HDDC3: variants seen among roughly 807,000 people sequenced by gnomAD.
HDDC3 encodes the protein HD domain containing 3, also known as guanosine-3',5'-bis(diphosphate) 3'-pyrophosphohydrolase MESH1.
Under a neutral mutation model 19.1 loss-of-function variants are expected in HDDC3, and 18 were observed. The ratio of observed to expected loss-of-function variants is 0.94; its 90% CI spans 0.65 to 1.40. The LOEUF is 1.40. Ranked by LOEUF, HDDC3 falls within the 40% of genes most tolerant of loss-of-function variation. The pLI is 0.00. For synonymous variants in HDDC3, 107 were observed against 99.4 expected, an observed-to-expected ratio of 1.08 and a Z score of -0.46; for missense variants, 250 against 228.9, an observed-to-expected ratio of 1.09 and a Z score of -0.59.
rs1406832767 is a variant in HDDC3, at chr15:90,931,374, G to A, written c.441C>T (p.Phe147=). 1 of 1,559,362 alleles carries A rather than the reference G, an allele frequency of 6.4e-7. No individual in the cohort carries two copies. The highest frequency in any genetic ancestry group is 8.7e-7 in the Non-Finnish European group (1 of 1,150,782). The change falls in exon 4 of 4, where the codon TTC becomes TTT. Residue 147 remains phenylalanine, a synonymous_variant. Transcript: ENST00000394272. The stretch of plus-strand genomic sequence containing the variant: ...CCTTCACCACCTGCGCTGCCCACTC[G>A]AAGTATTCCTGGACTCGATGTTCTG... ...GWSEHRVQEY[F]EWAAQVVKGL...
At chr15:90,932,221 G>T in intron 1 of HDDC3, 111 bp from the exon 2 acceptor site, 2 of 1,228,458 alleles carry the variant, frequency 1.6e-6, no homozygotes, top group Non-Finnish European at 1.1e-6. Context: ...CTAGCTGGGT[G>T]ACCTTGGTCA....
intron 2 of HDDC3, 28 bp downstream of exon 2, chr15:90,932,027 G>C: frequency 6.2e-7 from 1 of 1,613,956 alleles, no homozygotes; most frequent in Non-Finnish European, 8.5e-7. Flanking sequence ...CCCATCCCAG[G>C]CTCCTGGCAG....
chr15:90,930,761 A>G lies in HDDC3; in HGVS notation c.*514T>C, dbSNP rs8026356. ...AGGCACGTCACAGTCTAACCTGATA[A>G]TTACACAACCCATGTCACTGACAAG... On this transcript the variant is annotated 3_prime_UTR_variant, in exon 4 of 4. Transcript: ENST00000394272. 301 of 167,488 alleles carry G rather than the reference A, an allele frequency of 1.8e-3. 2 individuals carry two copies. The highest frequency in any genetic ancestry group is 6.8e-3 in the African/African-American group (283 of 41,722). The allele number at this position is 167,488 out of a possible 1,614,324, so 10.4% of individuals were successfully genotyped here.
At chr15:90,932,357 G>T in intron 1 of HDDC3, 72 bp downstream of exon 1, 1 of 938,642 alleles carries the variant, frequency 1.1e-6, no homozygotes, top group Non-Finnish European at 1.5e-6. Flanking sequence ...TGAGGTGCAC[G>T]CCCCCCACGT....
rs1160516034 is a variant in HDDC3 at position 90,931,791 on chromosome 15, C to A, written c.322G>T (p.Ala108Ser). ...TTGGCCCCGGGGCTACTGTGGGGCG[C>A]TTGCTCCACCTGCAGCCTCTTTCTC... Reference protein sequence around the residue: ...LERKRLQVEQAPHSSPGAKLV... With the variant: ...LERKRLQVEQSPHSSPGAKLV... The change falls in exon 3 of 4, where the codon GCG becomes TCG. Residue 108 changes from alanine (A) to serine (S), a missense_variant. Physicochemically the swap from Ala to Ser is moderately conservative, Grantham distance 99. Coordinates refer to ENST00000394272, the MANE Select transcript of HDDC3 (RefSeq NM_001286451.2). The A allele has an allele frequency of 2.5e-6, 4 of 1,614,150 alleles. No homozygotes were observed. Among genetic ancestry groups the A allele is most frequent in the Non-Finnish European group, 3.4e-6 (4 of 1,180,026 alleles).
intron 1 of HDDC3, 26 bp downstream of exon 1, chr15:90,932,403 C>A: frequency 7.8e-7 from 1 of 1,290,312 alleles, no homozygotes; most frequent in East Asian, 3.1e-5. Flanking sequence ...GTGCCGCAGC[C>A]GGCGCTCCGC....
chr15:90,931,964 C>T lies in HDDC3; in HGVS notation c.169-20G>A. ...GGCCGCCTGGGGACAAGTTCCCACT[C>T]AGCCCTGAGATGTCAGCCAAGGGTT... On this transcript the variant is annotated intron_variant, in intron 2 of 3. Coordinates refer to ENST00000394272, the MANE Select transcript of HDDC3 (RefSeq NM_001286451.2). 1.2e-6 allele frequency: 2 copies of T among 1,613,850 alleles called. No individual in the cohort carries two copies. Among genetic ancestry groups the T allele is most frequent in the East Asian group, 2.2e-5 (1 of 44,878 alleles).
upstream of HDDC3, chr15:90,932,552 G>A: frequency 8.0e-7 from 1 of 1,248,580 alleles, no homozygotes; most frequent in Non-Finnish European, 1.0e-6. Flanking sequence ...GCGCGGATGG[G>A]GCCGACGACT....
rs372856910 is a variant in HDDC3, at chr15:90,931,721, T to C, written c.392A>G (p.Asn131Ser). 5.4e-5 allele frequency: 87 copies of C among 1,613,988 alleles called. No individual in the cohort carries two copies. The highest frequency in any genetic ancestry group is 7.3e-5 in the Non-Finnish European group (86 of 1,180,034). Residue 131 changes from asparagine (N) to serine (S), a missense_variant, in exon 3 of 4, where the codon AAT becomes AGT. By Grantham distance (46) the Asn-to-Ser change is conservative (BLOSUM62 1). Coordinates refer to ENST00000394272, the MANE Select transcript of HDDC3 (RefSeq NM_001286451.2). ...AAGCGTACCCTCTGGGGTGCAGCGA[T>C]TCAGGTCCCTCAGATTGTACAGCTT... is the stretch of plus-strand genomic sequence containing the variant. ...ADKLYNLRDL[N>S]RCTPEGWSEH...
Position 90,930,775 on chromosome 15 carries a change from G to A in HDDC3, c.*500C>T, listed in dbSNP as rs1034274621. On this transcript the variant is annotated 3_prime_UTR_variant, in exon 4 of 4. Transcript: ENST00000394272. Reference sequence around the variant, plus strand: ...CTAACCTGATAATTACACAACCCATGTCACTGACAAGGAAGCCAGGTTCGG... The same window carrying A: ...CTAACCTGATAATTACACAACCCATATCACTGACAAGGAAGCCAGGTTCGG... 5 of 174,290 alleles carry A rather than the reference G, an allele frequency of 2.9e-5. No individual in the cohort carries two copies. In the East Asian group the frequency reaches 7.6e-4, roughly 27 times the overall value. 10.8% of individuals were successfully genotyped at this position (174,290 alleles called of 1,614,324 possible).
At chr15:90,931,598 T>C (rs376652457) in intron 3 of HDDC3, 106 bp downstream of exon 3, 1 of 1,614,016 alleles carries the variant, frequency 6.2e-7, no homozygotes, top group African/African-American at 1.3e-5. Flanking sequence ...TAGGATTAAT[T>C]TGGGAATTAA....
chr15:90,930,543 A>T lies in HDDC3; in HGVS notation c.*732T>A, dbSNP rs1282192687. 1.3e-5 allele frequency: 2 copies of T among 151,688 alleles called. No homozygotes were observed. Among genetic ancestry groups the T allele is most frequent in the Non-Finnish European group, 2.9e-5 (2 of 67,962 alleles). 9.4% of individuals were successfully genotyped at this position (151,688 alleles called of 1,614,324 possible). A position where few individuals can be genotyped will look rare whatever the true frequency, so the allele number is the denominator to read the frequency against. On this transcript the variant is annotated 3_prime_UTR_variant, in exon 4 of 4. Coordinates refer to ENST00000394272, the MANE Select transcript of HDDC3 (RefSeq NM_001286451.2). The stretch of plus-strand genomic sequence containing the variant: ...CTGCGCCCGGCTAATTTTTTTTTGT[A>T]TTTTTAGTAGAGACGGGGCCTCGCC...
chr15:90,931,522 G>C (rs549689339), intron 3 of HDDC3, 117 bp from the exon 4 acceptor site: 1 of 1,614,188 alleles, frequency 6.2e-7, no homozygotes, highest in African/African-American at 1.3e-5. Flanking sequence ...GAGCTGTCCT[G>C]AAAACTTCCC....
rs1024119139 is a variant in HDDC3 at position 90,931,734 on chromosome 15, G to C, written c.379C>G (p.Leu127Val). Residue 127 changes from leucine to valine, a missense_variant, in exon 3 of 4, where the codon CTG becomes GTG. Physicochemically the swap from Leu to Val is conservative, Grantham distance 32. Coordinates refer to ENST00000394272, the MANE Select transcript of HDDC3 (RefSeq NM_001286451.2). ...LVKLADKLYNLRDLNRCTPEG... is the reference protein window; with the variant it reads ...LVKLADKLYNVRDLNRCTPEG... ...GGGGTGCAGCGATTCAGGTCCCTCA[G>C]ATTGTACAGCTTGTCTGCCAGCTTC... 6.2e-7 allele frequency: 1 copy of C among 1,614,114 alleles called. No homozygotes were observed. Among genetic ancestry groups the C allele is most frequent in the Non-Finnish European group, 8.5e-7 (1 of 1,180,034 alleles).
chr15:90,931,973 G>A (rs768239108), intron 2 of HDDC3, 29 bp from the exon 3 acceptor site: 4 of 1,613,794 alleles, frequency 2.5e-6, no homozygotes, highest in Non-Finnish European at 3.4e-6. Context: ...TCAGCCCTGA[G>A]ATGTCAGCCA....
Position 90,931,204 on chromosome 15 carries a change from A to G in HDDC3, c.*71T>C. ...TGGAGGGAGCTCAGGAGACACAGAA[A>G]AGATGGCGTATGAATCCTGTCCGGC... On this transcript the variant is annotated 3_prime_UTR_variant, in exon 4 of 4. Transcript: ENST00000394272. 6.6e-7 allele frequency: 1 copy of G among 1,516,686 alleles called. No individual in the cohort carries two copies. Among genetic ancestry groups the G allele is most frequent in the Non-Finnish European group, 8.9e-7 (1 of 1,119,142 alleles). 94.0% of individuals were successfully genotyped at this position (1,516,686 alleles called of 1,614,324 possible). A position where few individuals can be genotyped will look rare whatever the true frequency, so the allele number is the denominator to read the frequency against.
rs1051755625 is a variant in HDDC3, at chr15:90,930,648, C to G, written c.*627G>C. The G allele has an allele frequency of 6.5e-6, 1 of 153,542 alleles. No homozygotes were observed. The highest frequency in any genetic ancestry group is 1.5e-5 in the Non-Finnish European group (1 of 68,926). The allele number at this position is 153,542 out of a possible 1,614,324, so 9.5% of individuals were successfully genotyped here. On this transcript the variant is annotated 3_prime_UTR_variant, in exon 4 of 4. Coordinates refer to ENST00000394272, the MANE Select transcript of HDDC3 (RefSeq NM_001286451.2). ...TCTCCCAGAGTGCTGGGATTACAGG[C>G]GAGAGACACCGCGCCTGGCCCCCTT... is the stretch of plus-strand genomic sequence containing the variant.
Position 90,930,885 on chromosome 15 carries a change from C to G in HDDC3, c.*390G>C, listed in dbSNP as rs1198262221. On this transcript the variant is annotated 3_prime_UTR_variant, in exon 4 of 4. Coordinates refer to ENST00000394272, the MANE Select transcript of HDDC3 (RefSeq NM_001286451.2). ...TGCTGAAGGAAAGATATGCAGCCCA[C>G]CAGTCGGAGGCTGGAGAAGGAGCAG... The G allele has an allele frequency of 5.7e-5, 13 of 227,232 alleles. No individual in the cohort carries two copies. The highest frequency in any genetic ancestry group is 1.0e-4 in the Admixed American group (2 of 19,284). 14.1% of individuals were successfully genotyped at this position (227,232 alleles called of 1,614,324 possible).
In HDDC3 at chr15:90,931,893, C is replaced by T; in HGVS notation, c.220G>A (p.Val74Met). The T allele has an allele frequency of 6.2e-7, 1 of 1,614,094 alleles. No homozygotes were observed. The highest frequency in any genetic ancestry group is 1.3e-5 in the African/African-American group (1 of 75,064). Residue 74 changes from valine to methionine, a missense_variant, in exon 3 of 4, where the codon GTG becomes ATG. Transcript: ENST00000394272. ...ACTTGTGCCCCAAAGTGTAGCTCCA[C>T]CTCATCCAGGGTGGTGTCTGTGTCC... ...VEDTDTTLDE[V>M]ELHFGAQVRR...
Sources: gnomAD v4.1 joint callset for allele counts on GRCh38, gnomAD v4.1.1 for gene constraint, MANE v1.5 for transcripts, NCBI Gene and HGNC (gene_info 2026-07-23, HGNC 2026-07-21) for gene names.